The following PHF20 variants were observed in gnomAD, a reference collection of about 807,000 sequenced individuals.
PHF20 encodes glioma-expressed antigen 2.
PHF20 carries 23 observed loss-of-function variants against 113.5 expected under a neutral mutation model. The ratio of observed to expected loss-of-function variants is 0.20; its 90% CI spans 0.15 to 0.29. The LOEUF (loss-of-function observed/expected upper bound fraction) is 0.29. Among genes scored for constraint, PHF20 ranks in the 10% least tolerant of loss-of-function variants. The pLI, the probability that PHF20 is intolerant of heterozygous loss-of-function variation, is 1.00. For synonymous variants in PHF20, 434 were observed against 457.3 expected (o/e 0.95, Z 0.65); for missense variants, 943 against 1,219.6 (o/e 0.77, Z 3.38).
intron 9 of PHF20, among the ~76,000 whole-genome samples, chr20:35,872,903 G>A (rs897617818): frequency 6.6e-6 from 1 of 152,174 alleles, no homozygotes; most frequent in Non-Finnish European, 1.5e-5. Flanking sequence ...CTGTCAGTTA[G>A]ATCAAGGTAG....
At chr20:35,909,583 C>T (rs1024863631) in intron 10 of PHF20, among the ~76,000 whole-genome samples, 2 of 152,140 alleles carry the variant, frequency 1.3e-5, no homozygotes, top group African/African-American at 4.8e-5. Flanking sequence ...AGTCTGCTGT[C>T]TTTGGGCCTT....
chr20:35,847,219 C>A, intron 3 of PHF20, 131 bp from the exon 4 acceptor site: 1 of 597,250 alleles, frequency 1.7e-6, no homozygotes, highest in Non-Finnish European at 2.9e-6. Flanking sequence ...TATCTTCCTC[C>A]ATCTCAACAG....
chr20:35,781,742 C>A (rs1198202513), intron 1 of PHF20, among the ~76,000 whole-genome samples: 1 of 151,982 alleles, frequency 6.6e-6, no homozygotes, highest in East Asian at 1.9e-4. Flanking sequence ...GTCAGGAGTT[C>A]GAGGCCAGCC....
intron 4 of PHF20, among the ~76,000 whole-genome samples, chr20:35,852,740 A>G (rs1023714908): frequency 6.6e-6 from 1 of 151,540 alleles, no homozygotes. Context: ...CTGGGATTAC[A>G]GGTGTGTGCC....
chr20:35,890,905 A>C (rs1346120118), intron 9 of PHF20, among the ~76,000 whole-genome samples: 1 of 152,070 alleles, frequency 6.6e-6, no homozygotes, highest in Non-Finnish European at 1.5e-5. Context: ...ACAACAATAA[A>C]ACAAAACAAA....
chr20:35,946,279 C>A (rs576033782), intron 17 of PHF20, among the ~76,000 whole-genome samples: 2 of 151,912 alleles, frequency 1.3e-5, no homozygotes, highest in African/African-American at 2.4e-5. Flanking sequence ...GACCAAAATA[C>A]AAAAATTCGC....
intron 14 of PHF20, among the ~76,000 whole-genome samples, chr20:35,930,453 T>G (rs750242319): frequency 6.6e-6 from 1 of 151,658 alleles, no homozygotes; most frequent in South Asian, 2.1e-4. Context: ...CTTTGGGAAG[T>G]AGCAGAAGGC....
intron 13 of PHF20, among the ~76,000 whole-genome samples, chr20:35,920,697 G>A (rs1236267396): frequency 6.6e-6 from 1 of 152,118 alleles, no homozygotes; most frequent in Non-Finnish European, 1.5e-5. Flanking sequence ...TAGCCTGGCT[G>A]ACCAACCCTT....
chr20:35,778,558 T>C (rs1001961170), intron 1 of PHF20, among the ~76,000 whole-genome samples: 7 of 152,160 alleles, frequency 4.6e-5, no homozygotes, highest in Middle Eastern at 6.8e-3. Flanking sequence ...AAGACCAGCC[T>C]GGCTAACACA....
At chr20:35,910,335 T>G (rs757661316) in intron 10 of PHF20, among the ~76,000 whole-genome samples, 1 of 152,204 alleles carries the variant, frequency 6.6e-6, no homozygotes, top group African/African-American at 2.4e-5. Flanking sequence ...TAGAACTATA[T>G]CAAAGTGGTC....
At position 35,912,023 on chromosome 20, in the gene PHF20, C is replaced by T. The variant is rs369934107; in HGVS notation, c.1562-1226C>T. Among the ~76,000 whole-genome samples the T allele has an allele frequency of 2.9e-4, 44 of 150,860 alleles. 1 individual carries two copies. In the Middle Eastern group the frequency reaches 0.017, roughly 59 times the overall value. On this transcript the variant is annotated intron_variant, in intron 10 of 17. Coordinates refer to ENST00000374012, the MANE Select transcript of PHF20 (RefSeq NM_016436.5). Reference sequence around the variant, plus strand: ...TTGAGATGGAGTCTCGCTCTGTCGCCAGGCTGGAGTGCAATGACATGATCT... The same window carrying T: ...TTGAGATGGAGTCTCGCTCTGTCGCTAGGCTGGAGTGCAATGACATGATCT...
At chr20:35,781,460 GC>G (rs2041294620) in intron 1 of PHF20, among the ~76,000 whole-genome samples, 1 of 152,154 alleles carries the variant, frequency 6.6e-6, no homozygotes, top group Non-Finnish European at 1.5e-5. Flanking sequence ...AATTGTAGAA[GC>G]CCAGTTCTCC....
chr20:35,827,730 C>A (rs2042287121), intron 2 of PHF20, among the ~76,000 whole-genome samples: 1 of 150,510 alleles, frequency 6.6e-6, no homozygotes, highest in Admixed American at 6.6e-5. Context: ...TTGCAGTGAG[C>A]CAAGATGACG....
intron 1 of PHF20, among the ~76,000 whole-genome samples, chr20:35,782,122 G>C (rs978680261): frequency 3.3e-5 from 5 of 152,066 alleles, no homozygotes; most frequent in South Asian, 2.1e-4. Context: ...ACTGTCCCTT[G>C]GTTCCATGGA....
intron 1 of PHF20, among the ~76,000 whole-genome samples, chr20:35,780,093 C>T (rs981561182): frequency 2.0e-5 from 3 of 152,196 alleles, no homozygotes; most frequent in Admixed American, 1.3e-4. Flanking sequence ...AGTGCTCTTA[C>T]ATCCCTCTCT....
chr20:35,786,376 C>T (rs1018597247), intron 1 of PHF20, among the ~76,000 whole-genome samples: 25 of 151,316 alleles, frequency 1.7e-4, no homozygotes, highest in South Asian at 4.2e-4. Context: ...GGTGACACAG[C>T]GCGACTCCGT....
chr20:35,824,051 G>A (rs1200545874), intron 2 of PHF20, among the ~76,000 whole-genome samples: 1 of 152,162 alleles, frequency 6.6e-6, no homozygotes, highest in African/African-American at 2.4e-5. Flanking sequence ...GTTTTTATGA[G>A]AATATAAGTT....
At chr20:35,945,159 T>C (rs971044140) in intron 17 of PHF20, among the ~76,000 whole-genome samples, 2 of 152,128 alleles carry the variant, frequency 1.3e-5, no homozygotes, top group African/African-American at 2.4e-5. Context: ...ATAAACTACA[T>C]AGGGCCCAGA....
At chr20:35,897,290 C>T (rs1235394249) in intron 9 of PHF20, among the ~76,000 whole-genome samples, 1 of 151,960 alleles carries the variant, frequency 6.6e-6, no homozygotes, top group Non-Finnish European at 1.5e-5. Flanking sequence ...ATCCTCTTGC[C>T]TTGGCCTCAT....
Sources: gnomAD v4.1 joint callset for allele counts (sites outside exome capture counted in the v4.1 genomes callset) on GRCh38, gnomAD v4.1.1 for gene constraint, MANE v1.5 for transcripts, NCBI Gene and HGNC (gene_info 2026-07-23, HGNC 2026-07-21) for gene names.